The following TBC1D22B variants were observed in gnomAD, a reference collection of about 807,000 sequenced individuals.
TBC1D22B encodes the protein chromosome 6 open reading frame 197.
In TBC1D22B, 32 loss-of-function variants were observed where a neutral mutation model predicts 69.1. The observed-to-expected ratio is 0.46, with a 90% CI of 0.35 to 0.62. The LOEUF (loss-of-function observed/expected upper bound fraction) is 0.62, where lower values mean the gene tolerates loss of function less well. Ranked by LOEUF, TBC1D22B falls within the 20% of genes least tolerant of loss-of-function variation. The pLI, the probability that TBC1D22B is intolerant of heterozygous loss-of-function variation, is 0.00. For missense variants in TBC1D22B, 462 were observed against 630.9 expected (o/e 0.73, Z 2.87); for synonymous variants, 206 against 229.8 (o/e 0.90, Z 0.94).
intron 2 of TBC1D22B, among the ~76,000 whole-genome samples, chr6:37,277,967 A>C (rs1263031240): frequency 4.7e-5 from 7 of 147,722 alleles, no homozygotes; most frequent in South Asian, 4.3e-4. Flanking sequence ...TTATCTCTCA[A>C]AAAAAAAAAA....
intron 2 of TBC1D22B, among the ~76,000 whole-genome samples, chr6:37,272,034 T>C (rs1254625547): frequency 6.6e-6 from 1 of 152,154 alleles, no homozygotes; most frequent in Non-Finnish European, 1.5e-5. Context: ...CAGCAGGCTT[T>C]TCTTTAATGT....
intron 12 of TBC1D22B, among the ~76,000 whole-genome samples, chr6:37,318,319 G>T (rs755968142): frequency 6.6e-6 from 1 of 152,164 alleles, no homozygotes; most frequent in Non-Finnish European, 1.5e-5. Flanking sequence ...AGTCTGGATG[G>T]CTTTACAGTT....
At chr6:37,312,843 A>T in intron 8 of TBC1D22B, 75 bp from the exon 9 acceptor site, 2 of 1,264,288 alleles carry the variant, frequency 1.6e-6, no homozygotes. Context: ...GACCCCATTG[A>T]AGACACTCGA....
intron 8 of TBC1D22B, among the ~76,000 whole-genome samples, chr6:37,310,390 T>C (rs1332945566): frequency 6.6e-6 from 1 of 152,066 alleles, no homozygotes; most frequent in Non-Finnish European, 1.5e-5. Flanking sequence ...ATTTCTCGGC[T>C]GGGCACGGTA....
At chr6:37,314,989 C>T (rs552982656) in intron 10 of TBC1D22B, among the ~76,000 whole-genome samples, 114 of 152,260 alleles carry the variant, frequency 7.5e-4, no homozygotes, top group African/African-American at 2.6e-3. Context: ...TGTTAGCCCT[C>T]ACGTTTGGGC....
chr6:37,283,684 A>C (rs1046499676), intron 5 of TBC1D22B, among the ~76,000 whole-genome samples: 2 of 152,244 alleles, frequency 1.3e-5, no homozygotes, highest in East Asian at 3.8e-4. Flanking sequence ...TATTCAGAGT[A>C]GATTTGGTGA....
chr6:37,312,893 A>G (rs761068452), intron 8 of TBC1D22B, 25 bp from the exon 9 acceptor site: 5 of 1,581,878 alleles, frequency 3.2e-6, no homozygotes, highest in East Asian at 4.5e-5. Flanking sequence ...AGACCTCTGG[A>G]CTTTCTTCAC....
intron 1 of TBC1D22B, among the ~76,000 whole-genome samples, chr6:37,261,509 A>G (rs9380656): frequency 0.65 from 98,061 of 151,134 alleles, 32,034 homozygotes; most frequent in East Asian, 0.85. Context: ...CTTTCTAGCT[A>G]TGTGATCTTA....
chr6:37,272,332 T>G (rs948736723), intron 2 of TBC1D22B, among the ~76,000 whole-genome samples: 6 of 151,652 alleles, frequency 4.0e-5, no homozygotes, highest in African/African-American at 1.5e-4. Context: ...CCCAAAGTGC[T>G]AGGATTGCAG....
chr6:37,274,913 G>A (rs571627517), intron 2 of TBC1D22B, among the ~76,000 whole-genome samples: 27 of 152,276 alleles, frequency 1.8e-4, no homozygotes, highest in Admixed American at 3.9e-4. Context: ...TTAGCTGGGC[G>A]TAGTGGCATG....
intron 8 of TBC1D22B, among the ~76,000 whole-genome samples, chr6:37,299,837 C>T (rs1767507281): frequency 6.6e-6 from 1 of 152,016 alleles, no homozygotes; most frequent in African/African-American, 2.4e-5. Flanking sequence ...TGGCAAAACC[C>T]GTCTCTACCA....
At chr6:37,289,951 G>C (rs901916787) in intron 7 of TBC1D22B, among the ~76,000 whole-genome samples, 5 of 152,176 alleles carry the variant, frequency 3.3e-5, no homozygotes, top group African/African-American at 1.2e-4. Context: ...TCCAGGAAAG[G>C]CTTTGTTCTC....
intron 9 of TBC1D22B, 85 bp from the exon 10 acceptor site, chr6:37,313,731 T>G: frequency 1.5e-6 from 2 of 1,340,782 alleles, no homozygotes; most frequent in Non-Finnish European, 2.1e-6. Flanking sequence ...GAAAATGGCC[T>G]GAACTTCTAA....
At chr6:37,294,425 G>A (rs1767290569) in intron 8 of TBC1D22B, among the ~76,000 whole-genome samples, 1 of 152,072 alleles carries the variant, frequency 6.6e-6, no homozygotes, top group Non-Finnish European at 1.5e-5. Flanking sequence ...TCCCATCTTG[G>A]CCTCCTGAGT....
At position 37,315,723 on chromosome 6, in the gene TBC1D22B, G is replaced by A. The variant is rs541268525; in HGVS notation, c.1166-980G>A. On this transcript the variant is annotated intron_variant, in intron 10 of 12. Transcript: ENST00000373491. Reference sequence around the variant, plus strand: ...CCTGAGTTGCTGGAATTATAGGTGCGCACCATGACGCCTGGCCAATTTTTG... The same window carrying A: ...CCTGAGTTGCTGGAATTATAGGTGCACACCATGACGCCTGGCCAATTTTTG... Among the ~76,000 whole-genome samples the A allele has an allele frequency of 8.2e-4, 125 of 152,104 alleles. 1 individual carries two copies. Among genetic ancestry groups the A allele is most frequent in the African/African-American group, 2.1e-3 (89 of 41,518 alleles).
intron 9 of TBC1D22B, 96 bp from the exon 10 acceptor site, chr6:37,313,720 G>A (rs1767995439): frequency 2.5e-6 from 3 of 1,186,838 alleles, no homozygotes; most frequent in South Asian, 2.4e-5. Flanking sequence ...TACTAGCTTT[G>A]GAAAATGGCC....
At chr6:37,281,839 G>C (rs4714053) in intron 3 of TBC1D22B, among the ~76,000 whole-genome samples, 98,093 of 152,032 alleles carry the variant, frequency 0.65, 31,853 homozygotes, top group East Asian at 0.85. Flanking sequence ...TTTTCCTTTA[G>C]AGTCACCAAA....
At chr6:37,284,264 T>G in intron 5 of TBC1D22B, 72 bp from the exon 6 acceptor site, 1 of 1,607,924 alleles carries the variant, frequency 6.2e-7, no homozygotes, top group African/African-American at 1.3e-5. Flanking sequence ...AACCACTGCA[T>G]AGATTAAAAT....
chr6:37,313,140 G>C (rs2113781144), intron 9 of TBC1D22B, 116 bp downstream of exon 9: 1 of 757,004 alleles, frequency 1.3e-6, no homozygotes, highest in South Asian at 1.4e-5. Context: ...ACCCACTATG[G>C]CTCCTCCTCC....
Sources: allele counts gnomAD v4.1 joint callset (sites outside exome capture counted in the v4.1 genomes callset), GRCh38; gene constraint gnomAD v4.1.1; transcripts MANE v1.5; gene names NCBI Gene and HGNC (gene_info 2026-07-23, HGNC 2026-07-21).